The following LARP1B variants were observed in gnomAD, a reference collection of about 807,000 sequenced individuals.
LARP1B encodes La ribonucleoprotein 1B.
LARP1B carries 76 observed loss-of-function variants against 114.2 expected under a neutral mutation model. The ratio of observed to expected loss-of-function variants is 0.67; its 90% CI spans 0.55 to 0.81. The LOEUF is 0.81. Among genes scored for constraint, LARP1B ranks in the 30% least tolerant of loss-of-function variants. The probability of loss-of-function intolerance (pLI) is 0.00; values close to 1 mark genes in which losing one functional copy is unlikely to be tolerated. For synonymous variants in LARP1B, 345 were observed against 348.0 expected (o/e 0.99, Z 0.10); for missense variants, 1,014 against 1,075.8 (o/e 0.94, Z 0.80).
chr4:128,107,567 A>G (rs752008070), intron 9 of LARP1B: 129 of 1,365,520 alleles, frequency 9.4e-5, no homozygotes, highest in Admixed American at 2.9e-4. Context: ...TCATGTATGG[A>G]GTTTCTATCT....
intron 1 of LARP1B, chr4:128,062,227 G>A (rs1760420017): frequency 2.0e-6 from 2 of 985,446 alleles, no homozygotes; most frequent in South Asian, 4.7e-5. Context: ...CAGGTCTGTG[G>A]TTGCTCTGCG....
rs201965094 is a variant in LARP1B, at chr4:128,193,656, G to GCA, written c.2004-5782_2004-5781insAC. On this transcript the variant is annotated intron_variant, in intron 15 of 19. Coordinates refer to ENST00000326639, the MANE Select transcript of LARP1B (RefSeq NM_018078.4). ...TTTGAGACAGAGTTTCGCTCTCGTTGCCCAGGTTGGAGTGCAATGGAGTGA... is the reference window on the plus strand; with the variant it reads ...TTTGAGACAGAGTTTCGCTCTCGTTGCACCCAGGTTGGAGTGCAATGGAGTGA... Among the ~76,000 whole-genome samples the GCA allele has an allele frequency of 6.4e-4, 97 of 151,822 alleles. 1 individual carries two copies. The East Asian group carries it at 0.015, about 24-fold the overall frequency.
Position 128,128,194 on chromosome 4 carries a change from A to G in LARP1B, c.1524+6006A>G, listed in dbSNP as rs184526961. Among the ~76,000 whole-genome samples the G allele has an allele frequency of 2.0e-5, 3 of 152,300 alleles. No homozygotes were observed. In the East Asian group the frequency reaches 5.8e-4, roughly 29 times the overall value. On this transcript the variant is annotated intron_variant, in intron 11 of 19. Transcript: ENST00000326639. ...AAACTCTTAGAATAAAATGTGTAAA[A>G]TCTTCATGACCTTGGATTTGATGGT...
chr4:128,120,803 ATTTTTTT>A (rs56253884), intron 10 of LARP1B, among the ~76,000 whole-genome samples: 77,229 of 128,808 alleles, frequency 0.6, 22,610 homozygotes, highest in Middle Eastern at 0.82. Flanking sequence ...GGGGTAGACA[ATTTTTTT>A]TTTTTTTTTT....
At position 128,211,323 on chromosome 4, in the gene LARP1B, T is replaced by C; in HGVS notation, c.*1270T>C. 1.0e-6 allele frequency: 1 copy of C among 970,462 alleles called. No individual in the cohort carries two copies. The highest frequency in any genetic ancestry group is 4.8e-5 in the South Asian group (1 of 20,966). 60.1% of individuals were successfully genotyped at this position (970,462 alleles called of 1,614,324 possible). On this transcript the variant is annotated 3_prime_UTR_variant, in exon 20 of 20. Coordinates refer to ENST00000326639, the MANE Select transcript of LARP1B (RefSeq NM_018078.4). The stretch of plus-strand genomic sequence containing the variant: ...TTGGCAAAAGCAAGTGGTTTCCATA[T>C]GCTAAATTAATTGTATTTTCTTTTT...
chr4:128,196,144 A>G (rs1158671716), intron 15 of LARP1B, among the ~76,000 whole-genome samples: 2 of 150,996 alleles, frequency 1.3e-5, no homozygotes. Context: ...CCAGCTACTC[A>G]GGAGGCTGAG....
At chr4:128,102,392 A>G (rs889897842) in intron 8 of LARP1B, among the ~76,000 whole-genome samples, 3 of 152,232 alleles carry the variant, frequency 2.0e-5, no homozygotes, top group African/African-American at 7.2e-5. Context: ...TAAGCTCTAA[A>G]TAAGTAAGCA....
chr4:128,092,710 T>C (rs2149592113), intron 7 of LARP1B: 1 of 961,092 alleles, frequency 1.0e-6, no homozygotes, highest in East Asian at 1.2e-4. Flanking sequence ...GTTGCCTTCA[T>C]GGTGGATCCA....
chr4:128,082,419 C>T (rs1770845369), intron 5 of LARP1B, 114 bp downstream of exon 5: 4 of 849,912 alleles, frequency 4.7e-6, no homozygotes, highest in Non-Finnish European at 5.6e-6. Context: ...CATCATGTCC[C>T]TTTAACCCCA....
At chr4:128,213,015 T>C (rs568837455), downstream of LARP1B, among the ~76,000 whole-genome samples, 70 of 143,332 alleles carry the variant, frequency 4.9e-4, no homozygotes, top group South Asian at 0.016. Context: ...ACCTTCCAGA[T>C]CCAAGCAATT....
chr4:128,156,185 C>T (rs1735545562), intron 11 of LARP1B: 2 of 1,608,604 alleles, frequency 1.2e-6, no homozygotes, highest in East Asian at 2.2e-5. Flanking sequence ...CTTGGCTCTC[C>T]AACCCTCCTC....
In LARP1B at chr4:128,210,104, A is replaced by AAT. The variant is rs1407719935; in HGVS notation, c.*53_*54dup. The stretch of plus-strand genomic sequence containing the variant: ...TCAAGAAATGGTGAAATGCCTGAGA[A>AAT]ATAGACTCTTATGAAAGTTCTTTGT... On this transcript the variant is annotated 3_prime_UTR_variant, in exon 20 of 20. Transcript: ENST00000326639. The AAT allele has an allele frequency of 6.2e-7, 1 of 1,611,140 alleles. No homozygotes were observed. The highest frequency in any genetic ancestry group is 2.2e-5 in the East Asian group (1 of 44,820).
At chr4:128,217,929 A>G (rs1490507175) in intron 6 of LARP1B, among the ~76,000 whole-genome samples, 3 of 135,898 alleles carry the variant, frequency 2.2e-5, no homozygotes. Flanking sequence ...TTAAGCTGAT[A>G]AGCAACTTCA....
chr4:128,100,810 T>C lies in LARP1B; in HGVS notation c.813+2480T>C, dbSNP rs553684566. Among the ~76,000 whole-genome samples the C allele has an allele frequency of 8.6e-5, 13 of 151,774 alleles. No homozygotes were observed. In the East Asian group the frequency reaches 2.0e-3, roughly 23 times the overall value. On this transcript the variant is annotated intron_variant, in intron 8 of 19. Transcript: ENST00000326639. ...TTTTCATTTTCTTTTCTTTTCTTTT[T>C]TTTTTTGTTTTTTGTTTTTGTTTTT...
chr4:128,061,059 CCT>C (rs1759948920), upstream of LARP1B, among the ~76,000 whole-genome samples: 1 of 152,050 alleles, frequency 6.6e-6, no homozygotes, highest in South Asian at 2.1e-4. Context: ...GCGCTCCGCC[CCT>C]GAGCCTGCAG....
chr4:128,137,424 G>A (rs965298694), intron 11 of LARP1B, among the ~76,000 whole-genome samples: 2 of 152,128 alleles, frequency 1.3e-5, no homozygotes, highest in Non-Finnish European at 2.9e-5. Context: ...ATGTGGCAGA[G>A]GGGAAGAACA....
chr4:128,166,970 CTATA>C (rs71593507), intron 12 of LARP1B, among the ~76,000 whole-genome samples: 6,974 of 77,198 alleles, frequency 0.09, 261 homozygotes, highest in Middle Eastern at 0.14. Context: ...CTCTCTCTCT[CTATA>C]TATATATATA....
chr4:128,206,634 G>A, intron 18 of LARP1B, 97 bp downstream of exon 18: 1 of 1,472,630 alleles, frequency 6.8e-7, no homozygotes, highest in Non-Finnish European at 9.0e-7. Flanking sequence ...TTTCTTCAGG[G>A]CAAACCATTT....
chr4:128,190,348 T>C (rs1211114960), intron 15 of LARP1B, among the ~76,000 whole-genome samples: 5 of 152,190 alleles, frequency 3.3e-5, no homozygotes, highest in Admixed American at 3.3e-4. Context: ...ATTTTTTTTC[T>C]CTTGCTGTTT....
Sources: gnomAD v4.1 joint callset for allele counts (sites outside exome capture counted in the v4.1 genomes callset) on GRCh38, gnomAD v4.1.1 for gene constraint, MANE v1.5 for transcripts, NCBI Gene and HGNC (gene_info 2026-07-23, HGNC 2026-07-21) for gene names.